Variants in CCDC150 observed in about 807,000 individuals in gnomAD.
CCDC150 encodes the protein coiled-coil domain containing 150.
In CCDC150, 151 loss-of-function variants were observed where a neutral mutation model predicts 156.5. The observed-to-expected ratio is 0.97, with a 90% confidence interval of 0.85 to 1.10. The LOEUF (loss-of-function observed/expected upper bound fraction) is 1.10. Ranked by LOEUF, CCDC150 falls within the 50% of genes least tolerant of loss-of-function variation. The pLI, the probability that CCDC150 is intolerant of heterozygous loss-of-function variation, is 0.00. For missense variants in CCDC150, 1,312 were observed against 1,268.1 expected, an observed-to-expected ratio of 1.03 and a Z score of -0.53; for synonymous variants, 452 against 429.4, an observed-to-expected ratio of 1.05 and a Z score of -0.65.
rs1033199696 is a variant in CCDC150, at chr2:196,676,085, A to G, written c.1138-58A>G. On this transcript the variant is annotated intron_variant, in intron 10 of 27. Coordinates refer to ENST00000389175, the MANE Select transcript of CCDC150 (RefSeq NM_001080539.2). ...TGTTTTTGATCAGTTACTCCAAATG[A>G]CACCCTATCAAAAGACTTTGTGGAG... 1.9e-6 allele frequency: 3 copies of G among 1,561,828 alleles called. No homozygotes were observed. In the African/African-American group the frequency reaches 4.1e-5, roughly 21 times the overall value.
chr2:196,701,879 G>T (rs2125667381), intron 15 of CCDC150, among the ~76,000 whole-genome samples: 1 of 152,264 alleles, frequency 6.6e-6, no homozygotes, highest in South Asian at 2.1e-4. Flanking sequence ...GATGGTTGGT[G>T]TATGCATGTT....
intron 2 of CCDC150, among the ~76,000 whole-genome samples, chr2:196,656,085 C>G (rs1014155696): frequency 3.9e-5 from 6 of 152,088 alleles, no homozygotes; most frequent in African/African-American, 1.4e-4. Flanking sequence ...GGGTATGAAG[C>G]CTCTGTAAGT....
chr2:196,708,359 G>A (rs1696834740), intron 15 of CCDC150, among the ~76,000 whole-genome samples: 1 of 152,054 alleles, frequency 6.6e-6, no homozygotes, highest in Non-Finnish European at 1.5e-5. Flanking sequence ...CATTTGCTTG[G>A]TAGATCTTCC....
chr2:196,709,649 A>G (rs13028947), intron 15 of CCDC150, among the ~76,000 whole-genome samples: 82,665 of 152,008 alleles, frequency 0.54, 27,644 homozygotes, highest in East Asian at 0.92. Context: ...GCTTTTATCT[A>G]CCTTTGGTCT....
chr2:196,724,069 C>T (rs1427237385), intron 21 of CCDC150, among the ~76,000 whole-genome samples: 1 of 152,122 alleles, frequency 6.6e-6, no homozygotes, highest in Non-Finnish European at 1.5e-5. Context: ...TCCTTTGGGA[C>T]TAGCGGGAAG....
rs747333043 is a variant in CCDC150 at position 196,656,840 on chromosome 2, T to A, written c.384T>A (p.Asn128Lys). ...IFRLQTEKDL[N>K]PQKTAFLKDR... ...GGCTGCAAACTGAAAAGGATTTGAA[T>A]CCTCAGAAAACAGGTATAGAGATAA... The change falls in exon 3 of 28, where the codon AAT becomes AAA. Residue 128 changes from asparagine (N) to lysine (K), a missense_variant. By Grantham distance (94) the Asn-to-Lys change is moderately conservative (BLOSUM62 0). Transcript: ENST00000389175. 13 of 1,613,724 alleles carry A rather than the reference T, an allele frequency of 8.1e-6. No individual in the cohort carries two copies. Among genetic ancestry groups the A allele is most frequent in the Non-Finnish European group, 1.1e-5 (13 of 1,179,786 alleles).
chr2:196,713,179 G>C (rs754263348), intron 17 of CCDC150: 7 of 992,328 alleles, frequency 7.1e-6, no homozygotes, highest in Non-Finnish European at 9.6e-6. Flanking sequence ...CTGTTTCTTT[G>C]CTGGGTCATA....
intron 13 of CCDC150, among the ~76,000 whole-genome samples, chr2:196,691,911 A>T (rs1175061328): frequency 6.6e-6 from 1 of 152,054 alleles, no homozygotes. Flanking sequence ...ACTGCACTCC[A>T]GCCTGGGCAA....
At chr2:196,666,688 C>CAGAAA in intron 6 of CCDC150, 31 bp from the exon 7 acceptor site, 1 of 1,553,024 alleles carries the variant, frequency 6.4e-7, no homozygotes, top group Non-Finnish European at 8.7e-7. Context: ...CTTTATCTCA[C>CAGAAA]AGAAAAAGAG....
chr2:196,728,497 T>C (rs973313043), intron 22 of CCDC150, among the ~76,000 whole-genome samples: 9 of 152,172 alleles, frequency 5.9e-5, no homozygotes, highest in African/African-American at 2.2e-4. Flanking sequence ...CAAGTGGCAA[T>C]GGTTTAAGGG....
rs1698484276 is a variant in CCDC150, at chr2:196,730,952, C to G, written c.3069+7C>G. 4 of 1,587,542 alleles carry G rather than the reference C, an allele frequency of 2.5e-6. 1 individual carries two copies. The highest frequency in any genetic ancestry group is 2.7e-5 in the African/African-American group (2 of 74,358). ...CAGTGTGGAATCAGAACAGGTGAGC[C>G]AGACCCACGGACATAAAGACTTAGA... On this transcript the variant is annotated splice_region_variant and intron_variant, in intron 26 of 27. Coordinates refer to ENST00000389175, the MANE Select transcript of CCDC150 (RefSeq NM_001080539.2).
chr2:196,678,697 G>A (rs1324590323), intron 13 of CCDC150, among the ~76,000 whole-genome samples: 1 of 152,172 alleles, frequency 6.6e-6, no homozygotes, highest in East Asian at 1.9e-4. Context: ...GAGGCCAGGA[G>A]TTTGAGACCA....
chr2:196,643,068 C>T (rs1692331097), intron 1 of CCDC150, among the ~76,000 whole-genome samples: 1 of 152,178 alleles, frequency 6.6e-6, no homozygotes, highest in Non-Finnish European at 1.5e-5. Context: ...TAGTAAATCC[C>T]CAAAGGCTAG....
At chr2:196,720,766 G>GT in intron 20 of CCDC150, 98 bp downstream of exon 20, 6 of 1,070,994 alleles carry the variant, frequency 5.6e-6, no homozygotes, top group African/African-American at 1.6e-5. Flanking sequence ...TCAGGTAAAT[G>GT]TTTTTTTCAA....
intron 15 of CCDC150, among the ~76,000 whole-genome samples, chr2:196,702,656 C>T (rs751848488): frequency 5.9e-5 from 9 of 151,826 alleles, no homozygotes; most frequent in Non-Finnish European, 1.3e-4. Flanking sequence ...CAAGAGACTT[C>T]AGTACTTTTT....
At chr2:196,699,677 G>GC (rs780157666) in intron 14 of CCDC150, among the ~76,000 whole-genome samples, 3 of 152,068 alleles carry the variant, frequency 2.0e-5, no homozygotes, top group Non-Finnish European at 2.9e-5. Context: ...GCACCACTAT[G>GC]CCCAGCTAAT....
At chr2:196,725,855 T>G (rs760916487) in intron 21 of CCDC150, 118 bp from the exon 22 acceptor site, 1 of 882,504 alleles carries the variant, frequency 1.1e-6, no homozygotes, top group Non-Finnish European at 1.7e-6. Flanking sequence ...AGGCTACTGA[T>G]AGGCTGCTTG....
chr2:196,695,295 T>C (rs755329937), intron 14 of CCDC150, 136 bp downstream of exon 14: 59 of 495,468 alleles, frequency 1.2e-4, no homozygotes, highest in Non-Finnish European at 2.0e-4. Flanking sequence ...TCTTACAGTA[T>C]TCAAACAATA....
chr2:196,711,812 C>G (rs1190195367), intron 15 of CCDC150, among the ~76,000 whole-genome samples: 1 of 152,186 alleles, frequency 6.6e-6, no homozygotes, highest in East Asian at 1.9e-4. Flanking sequence ...TACCACAATT[C>G]AAATATATTA....
Sources: gnomAD v4.1 joint callset for allele counts (sites outside exome capture counted in the v4.1 genomes callset) on GRCh38, gnomAD v4.1.1 for gene constraint, MANE v1.5 for transcripts, NCBI Gene and HGNC (gene_info 2026-07-23, HGNC 2026-07-21) for gene names.